Variants in ROBO2 observed in about 807,000 individuals in gnomAD.
ROBO2 encodes roundabout guidance receptor 2, also known as roundabout homolog 2.
Under a neutral mutation model 160.8 loss-of-function variants are expected in ROBO2, and 53 were observed. The ratio of observed to expected loss-of-function variants is 0.33; its 90% confidence interval spans 0.26 to 0.41. The LOEUF (loss-of-function observed/expected upper bound fraction) is 0.41. ROBO2 is among the 10% of genes least tolerant of loss of function. ROBO2 has a pLI of 1.00. For synonymous variants in ROBO2, 664 were observed against 611.7 expected (o/e 1.09, Z -1.26); for missense variants, 1,577 against 1,722.4 (o/e 0.92, Z 1.49).
At chr3:76,990,839 A>C (rs183357470) in intron 2 of ROBO2, among the ~76,000 whole-genome samples, 2 of 152,284 alleles carry the variant, frequency 1.3e-5, no homozygotes, top group Admixed American at 1.3e-4. Flanking sequence ...TTCTAGGGAC[A>C]TTCGGCTGGT....
intron 2 of ROBO2, among the ~76,000 whole-genome samples, chr3:77,210,038 A>G (rs2083920973): frequency 6.6e-6 from 1 of 152,174 alleles, no homozygotes; most frequent in African/African-American, 2.4e-5. Flanking sequence ...ATTATAAATT[A>G]GGCTACATTA....
chr3:77,385,474 G>C, intron 2 of ROBO2, among the ~76,000 whole-genome samples: 1 of 152,096 alleles, frequency 6.6e-6, no homozygotes, highest in East Asian at 1.9e-4. Context: ...GTACCCAAGC[G>C]ACATTTTTGT....
chr3:76,537,772 AAG>A (rs1356388205), intron 2 of ROBO2, among the ~76,000 whole-genome samples: 4 of 152,126 alleles, frequency 2.6e-5, no homozygotes, highest in African/African-American at 4.8e-5. Flanking sequence ...TGAGTCCGAA[AAG>A]AGAGTCAGCA....
chr3:76,619,517 G>A (rs1376057849), intron 2 of ROBO2, among the ~76,000 whole-genome samples: 1 of 152,040 alleles, frequency 6.6e-6, no homozygotes, highest in African/African-American at 2.4e-5. Context: ...CACTATTTGA[G>A]GTCATTCATG....
rs186503991 is a variant in ROBO2, at chr3:76,857,149, A to C, written c.110-240865A>C. Among the ~76,000 whole-genome samples, 387 of 151,898 alleles carry C rather than the reference A, an allele frequency of 2.5e-3. 1 individual carries two copies. Among genetic ancestry groups the C allele is most frequent in the Admixed American group, 4.3e-3 (66 of 15,242 alleles). ...TACAGGCGCCCGCCACCACGCCCGG[A>C]TAATTTTTTGTATTTTTAGTAGAGA... On this transcript the variant is annotated intron_variant, in intron 2 of 26. Transcript: ENST00000487694.
In ROBO2 at chr3:76,613,309, C is replaced by T. The variant is rs376395862; in HGVS notation, c.110-484705C>T. ...TTTTGAGTTAAGATTACTATGCATG[C>T]AAATGCTTTTTGTGTGTCTGAATCT... On this transcript the variant is annotated intron_variant, in intron 2 of 26. Coordinates refer to the ROBO2 transcript ENST00000487694. Among the ~76,000 whole-genome samples the T allele has an allele frequency of 4.8e-4, 73 of 152,132 alleles. 1 individual carries two copies. The South Asian group carries it at 0.012, about 24-fold the overall frequency.
At chr3:77,188,615 A>G (rs1374486474) in intron 2 of ROBO2, among the ~76,000 whole-genome samples, 1 of 151,858 alleles carries the variant, frequency 6.6e-6, no homozygotes, top group African/African-American at 2.4e-5. Flanking sequence ...TAGTGCTAAA[A>G]CAAAATACAC....
At chr3:76,779,464 C>T (rs1015615063) in intron 2 of ROBO2, among the ~76,000 whole-genome samples, 2 of 150,620 alleles carry the variant, frequency 1.3e-5, no homozygotes, top group African/African-American at 4.9e-5. Flanking sequence ...TTATTTATCT[C>T]CCATAACTGA....
At chr3:76,455,687 C>G (rs1026752456) in intron 2 of ROBO2, among the ~76,000 whole-genome samples, 1 of 151,982 alleles carries the variant, frequency 6.6e-6, no homozygotes, top group Non-Finnish European at 1.5e-5. Context: ...CTTTTATTGA[C>G]CAGTTCTACT....
intron 2 of ROBO2, among the ~76,000 whole-genome samples, chr3:76,308,308 C>T (rs996409863): frequency 7.0e-5 from 9 of 129,492 alleles, no homozygotes; most frequent in African/African-American, 2.3e-4. Context: ...CCCCAGGAAG[C>T]GGAGGTTGCA....
At chr3:76,064,230 T>A (rs73842943) in intron 2 of ROBO2, among the ~76,000 whole-genome samples, 3,136 of 152,218 alleles carry the variant, frequency 0.021, 45 homozygotes, top group East Asian at 0.081. Context: ...GAAATAATGC[T>A]CGTGTGTTGT....
chr3:76,657,989 C>T (rs992157341), intron 2 of ROBO2, among the ~76,000 whole-genome samples: 4 of 148,868 alleles, frequency 2.7e-5, no homozygotes, highest in Middle Eastern at 3.3e-3. Context: ...ATCACTTGAG[C>T]CCAGGGCGTT....
intron 2 of ROBO2, among the ~76,000 whole-genome samples, chr3:76,486,800 T>C (rs866026050): frequency 2.6e-5 from 4 of 152,340 alleles, no homozygotes; most frequent in Middle Eastern, 3.4e-3. Flanking sequence ...CATTGTCATG[T>C]AATGAATGGA....
chr3:76,600,337 C>A (rs1171603239), intron 2 of ROBO2, among the ~76,000 whole-genome samples: 1 of 152,028 alleles, frequency 6.6e-6, no homozygotes, highest in Non-Finnish European at 1.5e-5. Context: ...TTTTTTAAAC[C>A]TTCTACATTA....
At chr3:77,586,116 GTGT>G (rs1273000933) in intron 16 of ROBO2, among the ~76,000 whole-genome samples, 1 of 152,060 alleles carries the variant, frequency 6.6e-6, no homozygotes, top group East Asian at 1.9e-4. Flanking sequence ...CGTAACATTG[GTGT>G]TGTTCTTTTC....
chr3:76,211,080 T>C (rs1703117085), intron 2 of ROBO2, among the ~76,000 whole-genome samples: 1 of 152,068 alleles, frequency 6.6e-6, no homozygotes, highest in South Asian at 2.1e-4. Context: ...CTACCTCTTC[T>C]AATTTTCCAT....
At chr3:75,912,364 A>G (rs1191166651) in intron 1 of ROBO2, among the ~76,000 whole-genome samples, 1 of 152,192 alleles carries the variant, frequency 6.6e-6, no homozygotes. Context: ...ACTTCATGTA[A>G]TTAACATAAA....
Position 76,774,918 on chromosome 3 carries a change from G to A in ROBO2, c.110-323096G>A, listed in dbSNP as rs2062146814. The stretch of plus-strand genomic sequence containing the variant: ...GTTTGGATGCAAAGCTGGCACGAAG[G>A]CTCAAAATACACAAGAGAATGTGAT... On this transcript the variant is annotated intron_variant, in intron 2 of 26. Transcript: ENST00000487694. 2.0e-5 allele frequency among the ~76,000 whole-genome samples: 3 copies of A among 150,278 alleles called. No homozygotes were observed. In the Admixed American group the frequency reaches 2.0e-4, roughly 10 times the overall value.
intron 19 of ROBO2, among the ~76,000 whole-genome samples, chr3:77,597,347 G>A (rs1020312421): frequency 4.6e-5 from 7 of 151,912 alleles, no homozygotes; most frequent in Admixed American, 2.0e-4. Flanking sequence ...AAAGTGCTAA[G>A]TAGCCACATG....
Sources: allele counts gnomAD v4.1 joint callset (sites outside exome capture counted in the v4.1 genomes callset), GRCh38; gene constraint gnomAD v4.1.1; transcripts MANE v1.5; gene names NCBI Gene and HGNC (gene_info 2026-07-23, HGNC 2026-07-21).